The following C1QTNF9B variants were observed in gnomAD, a reference collection of about 807,000 sequenced individuals.
The protein encoded by C1QTNF9B is C1q and TNF related 9B.
C1QTNF9B carries 9 observed loss-of-function variants against 10.1 expected under a neutral mutation model. The observed-to-expected ratio is 0.89, with a 90% CI of 0.53 to 1.55. The LOEUF (loss-of-function observed/expected upper bound fraction) is 1.55, where lower values mean the gene tolerates loss of function less well. Among genes scored for constraint, C1QTNF9B ranks in the 40% most tolerant of loss-of-function variants. C1QTNF9B has a pLI of 0.00. For synonymous variants in C1QTNF9B, 79 were observed against 159.9 expected, an observed-to-expected ratio of 0.49 and a Z score of 3.82; for missense variants, 196 against 414.4, an observed-to-expected ratio of 0.47 and a Z score of 4.58.
chr13:23,891,203 G>C lies in C1QTNF9B; in HGVS notation c.*86C>G. On this transcript the variant is annotated 3_prime_UTR_variant, in exon 3 of 3. Transcript: ENST00000382137. ...TTTTATGATTATTGTAATAATTGGAGGAATTAATAAAGTAAAACCATCTGA... is the reference window on the plus strand; with the variant it reads ...TTTTATGATTATTGTAATAATTGGACGAATTAATAAAGTAAAACCATCTGA... The C allele has an allele frequency of 3.3e-6, 4 of 1,196,934 alleles. 1 individual carries two copies. In the Admixed American group the frequency reaches 1.1e-4, roughly 32 times the overall value. The allele number at this position is 1,196,934 out of a possible 1,614,324, so 74.1% of individuals were successfully genotyped here.
At chr13:23,891,481 T>C (rs1327617505) in exon 3 of C1QTNF9B, 13 of 1,591,534 alleles carry the variant, frequency 8.2e-6, no homozygotes, top group Middle Eastern at 1.7e-4. Context: ...GTATTTTTAC[T>C]CCGTTTTTGA....
At chr13:23,897,127 C>G, upstream of C1QTNF9B, 3 of 1,205,152 alleles carry the variant, frequency 2.5e-6, no homozygotes, top group South Asian at 4.7e-5. Flanking sequence ...CACACCTGGA[C>G]AGACTTGGCA....
chr13:23,895,873 G>A (rs1401006963), intron 1 of C1QTNF9B, among the ~76,000 whole-genome samples: 1 of 152,028 alleles, frequency 6.6e-6, no homozygotes, highest in African/African-American at 2.4e-5. Flanking sequence ...ATTTGCTACC[G>A]GGGGACTGGA....
chr13:23,892,260 A>C (rs149615881), intron 2 of C1QTNF9B, among the ~76,000 whole-genome samples, 199 bp from the exon 5 acceptor site: 2,232 of 152,284 alleles, frequency 0.015, 42 homozygotes, highest in African/African-American at 0.051. Flanking sequence ...AGACCGCGGC[A>C]GGAGGACTGC....
At position 23,896,802 on chromosome 13, in the gene C1QTNF9B, G is replaced by T. The variant is rs201993060; in HGVS notation, c.166+19C>A. The T allele has an allele frequency of 3.7e-6, 6 of 1,612,090 alleles. No homozygotes were observed. The highest frequency in any genetic ancestry group is 2.2e-5 in the South Asian group (2 of 90,636). On this transcript the variant is annotated intron_variant, in intron 1 of 2. Coordinates refer to ENST00000382137, the Ensembl canonical transcript of C1QTNF9B. The stretch of plus-strand genomic sequence containing the variant: ...TGAAGAGAGAAGCTCAAAGGCAGCC[G>T]AAGCCGTCAGGTGAGTACCTGCATC...
exon 2 of C1QTNF9B, chr13:23,894,180 C>T: frequency 1.3e-6 from 2 of 1,514,744 alleles, no homozygotes; most frequent in South Asian, 2.2e-5. Flanking sequence ...CTTCCCCGGG[C>T]TGCCAGGACA....
At chr13:23,892,517 C>T (rs1291723298) in intron 2 of C1QTNF9B, among the ~76,000 whole-genome samples, 1 of 151,980 alleles carries the variant, frequency 6.6e-6, no homozygotes, top group Non-Finnish European at 1.5e-5. Flanking sequence ...TAACCAGGTG[C>T]GGTGGCACAC....
At chr13:23,892,166 C>T in intron 2 of C1QTNF9B, 105 bp from the exon 5 acceptor site, 1 of 1,431,578 alleles carries the variant, frequency 7.0e-7, no homozygotes, top group Non-Finnish European at 9.5e-7. Context: ...AAGTAGTACA[C>T]AGGTTCAGTA....
exon 3 of C1QTNF9B, chr13:23,891,439 C>G (rs1871932356): frequency 6.3e-7 from 1 of 1,581,990 alleles, no homozygotes; most frequent in Admixed American, 1.7e-5. Flanking sequence ...AGGCCTGGTC[C>G]TCAGAGCTCA....
chr13:23,892,088 G>A, intron 2 of C1QTNF9B, 27 bp from the exon 5 acceptor site: 1 of 1,609,234 alleles, frequency 6.2e-7, no homozygotes, highest in Non-Finnish European at 8.5e-7. Context: ...CAAATAAAGA[G>A]ATAGTTTGTG....
At chr13:23,893,410 C>T (rs1872084985) in intron 2 of C1QTNF9B, among the ~76,000 whole-genome samples, 1 of 152,208 alleles carries the variant, frequency 6.6e-6, no homozygotes, top group South Asian at 2.1e-4. Context: ...CAAACTACAG[C>T]CACAGGCCAA....
chr13:23,896,888 G>T, exon 1 of C1QTNF9B: 1 of 1,614,100 alleles, frequency 6.2e-7, no homozygotes, highest in East Asian at 2.2e-5. Flanking sequence ...TGTGACCGGG[G>T]TTCCCAGGGA....
intron 2 of C1QTNF9B, among the ~76,000 whole-genome samples, chr13:23,893,852 A>G (rs1369274122): frequency 1.3e-5 from 2 of 152,152 alleles, no homozygotes; most frequent in Admixed American, 1.3e-4. Context: ...GTCTTCACAC[A>G]TATGGTGTCA....
chr13:23,892,738 G>A (rs190818319), intron 2 of C1QTNF9B, among the ~76,000 whole-genome samples: 1 of 152,264 alleles, frequency 6.6e-6, no homozygotes, highest in East Asian at 1.9e-4. Flanking sequence ...CACACCTTTT[G>A]ACTACTGTCT....
chr13:23,892,004 G>T lies in C1QTNF9B; in HGVS notation c.287C>A (p.Ser96Tyr), dbSNP rs138312016. ...CCCCTTGGGGCCATGTTTTCCTGGG[G>T]ATCCTCTTGAGCCTTGATCACCTTT... The change falls in exon 3 of 3, where the codon TCC (serine) becomes TAC (tyrosine). Residue 96 changes from serine to tyrosine, a missense_variant. This residue lies in a region of C1QTNF9B where 48 missense variants were observed against 148.5 expected (regional missense o/e 0.32). Transcript: ENST00000382137. 6.8e-6 allele frequency: 11 copies of T among 1,613,932 alleles called. No homozygotes were observed. The African/African-American group carries it at 1.5e-4, about 22-fold the overall frequency.
chr13:23,896,351 G>A (rs1372674037), intron 1 of C1QTNF9B, among the ~76,000 whole-genome samples: 2 of 152,194 alleles, frequency 1.3e-5, no homozygotes, highest in Non-Finnish European at 2.9e-5. Context: ...TGTGTCATCT[G>A]TCACTCCGCA....
chr13:23,895,458 CCTT>C (rs1456823061), intron 1 of C1QTNF9B, among the ~76,000 whole-genome samples: 72 of 152,076 alleles, frequency 4.7e-4, no homozygotes, highest in Admixed American at 1.2e-3. Flanking sequence ...GATTGAATGT[CCTT>C]CTAAGAAAGA....
upstream of C1QTNF9B, chr13:23,897,370 A>G (rs1192813202): frequency 1.4e-5 from 4 of 288,002 alleles, no homozygotes; most frequent in Non-Finnish European, 1.9e-5. Flanking sequence ...ATTTTATCAC[A>G]ATATGCATAA....
At chr13:23,895,575 A>C (rs932065836) in intron 1 of C1QTNF9B, among the ~76,000 whole-genome samples, 2 of 152,222 alleles carry the variant, frequency 1.3e-5, no homozygotes, top group African/African-American at 4.8e-5. Flanking sequence ...TGGTGAGCAG[A>C]GGAGAGAAAT....
Sources: gnomAD v4.1 joint callset for allele counts (sites outside exome capture counted in the v4.1 genomes callset) on GRCh38, gnomAD v4.1.1 for gene constraint, gnomAD v4.1.1 regional missense constraint, MANE v1.5 for transcripts, NCBI Gene and HGNC (gene_info 2026-07-23, HGNC 2026-07-21) for gene names.